The following NINL variants were observed in gnomAD, a reference collection of about 807,000 sequenced individuals.
NINL encodes ninein-like protein.
In NINL, 153 loss-of-function variants were observed where a neutral mutation model predicts 160.3. The observed-to-expected ratio is 0.95, with a 90% CI of 0.84 to 1.09. The LOEUF (loss-of-function observed/expected upper bound fraction) is 1.09, where lower values mean the gene tolerates loss of function less well. Ranked by LOEUF, NINL falls within the 50% of genes least tolerant of loss-of-function variation. The pLI is 0.00. For missense variants in NINL, 1,829 were observed against 1,764.0 expected (o/e 1.04, Z -0.66); for synonymous variants, 800 against 734.8 (o/e 1.09, Z -1.43).
At chr20:25,462,931 A>C (rs1189961596) in intron 19 of NINL, among the ~76,000 whole-genome samples, 2 of 152,208 alleles carry the variant, frequency 1.3e-5, no homozygotes, top group Non-Finnish European at 2.9e-5. Flanking sequence ...CTGGGATTAT[A>C]GGTGTGGGCC....
chr20:25,481,548 GGGGGTGGTGCCAGCTACCA>G (rs1268377797), intron 14 of NINL, among the ~76,000 whole-genome samples: 39 of 152,186 alleles, frequency 2.6e-4, no homozygotes, highest in African/African-American at 9.4e-4. Context: ...GTCAGACTTG[GGGGGTGGTGCCAGCTACCA>G]CATCACCCAG....
chr20:25,480,374 G>T, intron 14 of NINL, 107 bp from the exon 15 acceptor site: 1 of 770,482 alleles, frequency 1.3e-6, no homozygotes, highest in Non-Finnish European at 2.3e-6. Context: ...AGGGGCAGGT[G>T]GTGCTGGCTG....
chr20:25,567,279 C>A (rs1351241278), intron 1 of NINL, among the ~76,000 whole-genome samples: 2 of 152,098 alleles, frequency 1.3e-5, no homozygotes, highest in Admixed American at 6.6e-5. Flanking sequence ...GAATCTTCAA[C>A]AGCTATGAGA....
chr20:25,505,154 C>G, intron 5 of NINL, 76 bp from the exon 6 acceptor site: 1 of 1,351,034 alleles, frequency 7.4e-7, no homozygotes, highest in Non-Finnish European at 9.9e-7. Flanking sequence ...GAAAGAAGGA[C>G]GTTCTGCCCT....
chr20:25,466,799 C>T (rs1428250350), intron 19 of NINL, among the ~76,000 whole-genome samples: 1 of 151,248 alleles, frequency 6.6e-6, no homozygotes, highest in Non-Finnish European at 1.5e-5. Flanking sequence ...TAATGTGTCT[C>T]AAAAAAAACC....
intron 1 of NINL, among the ~76,000 whole-genome samples, chr20:25,543,476 A>T (rs1312045480): frequency 6.6e-6 from 1 of 152,196 alleles, no homozygotes; most frequent in Non-Finnish European, 1.5e-5. Context: ...GCAGGAGAAT[A>T]GGCTCTGGAG....
chr20:25,456,332 G>C (rs1436656269), intron 22 of NINL, among the ~76,000 whole-genome samples: 2 of 148,356 alleles, frequency 1.3e-5, no homozygotes, highest in Non-Finnish European at 3.0e-5. Context: ...CGGATTACCT[G>C]AGCTCAGGAG....
At chr20:25,465,634 G>A (rs978796492) in intron 19 of NINL, among the ~76,000 whole-genome samples, 1 of 152,132 alleles carries the variant, frequency 6.6e-6, no homozygotes, top group Admixed American at 6.5e-5. Context: ...AGCCTTCCCA[G>A]CCGAGACCCC....
At position 25,455,622 on chromosome 20, in the gene NINL, G is replaced by C. The variant is rs369469289; in HGVS notation, c.3957+51C>G. ...CTACCTGCACACCCATAAAAGTGGA[G>C]AGCGTTCAGAAGAGGACGTGAACAC... On this transcript the variant is annotated intron_variant, in intron 23 of 23. Transcript: ENST00000278886. The C allele has an allele frequency of 4.5e-6, 6 of 1,329,072 alleles. No individual in the cohort carries two copies. In the East Asian group the frequency reaches 1.4e-4, roughly 31 times the overall value. The allele number at this position is 1,329,072 out of a possible 1,614,324, so 82.3% of individuals were successfully genotyped here. A position where few individuals can be genotyped will look rare whatever the true frequency, so the allele number is the denominator to read the frequency against.
At chr20:25,501,147 CAGAG>C in intron 7 of NINL, 137 bp from the exon 8 acceptor site, 1 of 1,097,448 alleles carries the variant, frequency 9.1e-7, no homozygotes, top group Non-Finnish European at 1.3e-6. Flanking sequence ...CCTCAGCTCT[CAGAG>C]GGGTCAGAGG....
At chr20:25,582,928 T>C (rs958213646) in intron 1 of NINL, among the ~76,000 whole-genome samples, 2 of 152,188 alleles carry the variant, frequency 1.3e-5, no homozygotes, top group African/African-American at 4.8e-5. Context: ...TGGCTAGCCA[T>C]ATGCAGTAAA....
At chr20:25,579,964 T>C (rs2065154382) in intron 1 of NINL, among the ~76,000 whole-genome samples, 1 of 152,230 alleles carries the variant, frequency 6.6e-6, no homozygotes, top group Admixed American at 6.5e-5. Flanking sequence ...CTCAGGTCTC[T>C]GACCACTCTT....
chr20:25,506,274 G>A (rs1374019176), intron 5 of NINL, among the ~76,000 whole-genome samples: 1 of 152,070 alleles, frequency 6.6e-6, no homozygotes, highest in African/African-American at 2.4e-5. Flanking sequence ...AAAAAAAGAG[G>A]GTGAGGGCTC....
At chr20:25,569,193 A>T (rs1202376431) in intron 1 of NINL, among the ~76,000 whole-genome samples, 1 of 149,506 alleles carries the variant, frequency 6.7e-6, no homozygotes, top group Non-Finnish European at 1.5e-5. Flanking sequence ...GCGCCACTAC[A>T]CTCCAGCCTG....
At chr20:25,480,298 C>T (rs1214873857) in intron 14 of NINL, 31 bp from the exon 15 acceptor site, 1 of 1,586,096 alleles carries the variant, frequency 6.3e-7, no homozygotes, top group South Asian at 1.1e-5. Flanking sequence ...CCGTTTGTCA[C>T]ACTGAGGATG....
At chr20:25,530,375 A>C (rs1600285302) in intron 1 of NINL, among the ~76,000 whole-genome samples, 1 of 152,216 alleles carries the variant, frequency 6.6e-6, no homozygotes, top group African/African-American at 2.4e-5. Flanking sequence ...TAAAAAATAC[A>C]ACGTGCTCTT....
intron 1 of NINL, among the ~76,000 whole-genome samples, chr20:25,532,843 C>A (rs979414159): frequency 2.6e-5 from 4 of 152,166 alleles, no homozygotes; most frequent in Admixed American, 2.6e-4. Flanking sequence ...TCCCATACAC[C>A]CGATAGAACC....
In NINL at chr20:25,500,775, C is replaced by A. The variant is rs1017319825; in HGVS notation, c.1032+65G>T. ...CCCTGGCTTGGGACGCTCCATCCAT[C>A]CTCCTCTGCAGCAGACGGGCCCCCC... On this transcript the variant is annotated intron_variant, in intron 8 of 23. Transcript: ENST00000278886. 11 of 1,554,870 alleles carry A rather than the reference C, an allele frequency of 7.1e-6. No homozygotes were observed. The African/African-American group carries it at 1.5e-4, about 21-fold the overall frequency.
intron 1 of NINL, among the ~76,000 whole-genome samples, chr20:25,533,198 A>G (rs190623001): frequency 3.3e-5 from 5 of 152,154 alleles, no homozygotes; most frequent in Admixed American, 3.3e-4. Flanking sequence ...TAGAATTCCA[A>G]TGTTCACACA....
Sources: allele counts gnomAD v4.1 joint callset (sites outside exome capture counted in the v4.1 genomes callset), GRCh38; gene constraint gnomAD v4.1.1; transcripts MANE v1.5; gene names NCBI Gene and HGNC (gene_info 2026-07-23, HGNC 2026-07-21).